Variants in PTH1R observed in about 807,000 individuals in gnomAD.
PTH1R encodes the protein parathyroid hormone/parathyroid hormone-related peptide receptor.
Under a neutral mutation model 70.7 loss-of-function variants are expected in PTH1R, and 32 were observed. The observed-to-expected ratio is 0.45, with a 90% CI of 0.34 to 0.61. The LOEUF is 0.61. Ranked by LOEUF, PTH1R falls within the 20% of genes least tolerant of loss-of-function variation. PTH1R has a pLI of 0.01. For synonymous variants in PTH1R, 329 were observed against 324.8 expected (o/e 1.01, Z -0.14); for missense variants, 626 against 792.5 (o/e 0.79, Z 2.52).
At chr3:46,897,746 A>T (rs1486385833) in intron 5 of PTH1R, 109 bp from the exon 6 acceptor site, 2 of 1,087,646 alleles carry the variant, frequency 1.8e-6, no homozygotes, top group Non-Finnish European at 2.7e-6. Context: ...AAACAAAACA[A>T]AACAAAAACA....
rs368431544 is a variant in PTH1R, at chr3:46,901,911, C to A, written c.1211+51C>A. On this transcript the variant is annotated intron_variant, in intron 13 of 15. Transcript: ENST00000449590. The surrounding 1 kb of genome is among the most constrained non-coding windows in gnomAD (Gnocchi z 7.3). ...CTGGCTCCTCAGGGGTCCCTGAGTC[C>A]TGGTACCATGTACCCCAGGAAAGAC... The A allele has an allele frequency of 2.5e-5, 37 of 1,503,044 alleles. No individual in the cohort carries two copies. Among genetic ancestry groups the A allele is most frequent in the Middle Eastern group, 3.4e-4 (2 of 5,874 alleles). The allele number at this position is 1,503,044 out of a possible 1,614,324, so 93.1% of individuals were successfully genotyped here.
Position 46,902,461 on chromosome 3 carries a change from G to T in PTH1R, c.1212-65G>T. 1 of 1,591,034 alleles carries T rather than the reference G, an allele frequency of 6.3e-7. No homozygotes were observed. Among genetic ancestry groups the T allele is most frequent in the Non-Finnish European group, 8.6e-7 (1 of 1,169,506 alleles). Reference sequence around the variant, plus strand: ...CGGAGCCTGGGGCTCGCAGGGTGGGGGGTGGCACAATGCTTGTTGAAGGGG... The same window carrying T: ...CGGAGCCTGGGGCTCGCAGGGTGGGTGGTGGCACAATGCTTGTTGAAGGGG... On this transcript the variant is annotated intron_variant, in intron 13 of 15. Coordinates refer to ENST00000449590, the MANE Select transcript of PTH1R (RefSeq NM_000316.3). The surrounding 1 kb of genome is among the most constrained non-coding windows in gnomAD (Gnocchi z 5.4).
rs926867270 is a variant in PTH1R at position 46,879,346 on chromosome 3, A to T, written c.-106+1503A>T. On this transcript the variant is annotated intron_variant, in intron 1 of 15. Coordinates refer to ENST00000449590, the MANE Select transcript of PTH1R (RefSeq NM_000316.3). The surrounding 1 kb of genome is among the most constrained non-coding windows in gnomAD (Gnocchi z 4.7). Reference sequence around the variant, plus strand: ...CCCTCAGCCTCTAGTTTTATCTCTCAGTCCTTCCAATCCCTCCATTAATGT... The same window carrying T: ...CCCTCAGCCTCTAGTTTTATCTCTCTGTCCTTCCAATCCCTCCATTAATGT... Among the ~76,000 whole-genome samples, 2 of 152,228 alleles carry T rather than the reference A, an allele frequency of 1.3e-5. No homozygotes were observed. Among genetic ancestry groups the T allele is most frequent in the Admixed American group, 6.5e-5 (1 of 15,288 alleles).
Position 46,901,285 on chromosome 3 carries a change from T to G in PTH1R, c.1050-129T>G. The G allele has an allele frequency of 7.5e-7, 1 of 1,330,136 alleles. No homozygotes were observed. Among genetic ancestry groups the G allele is most frequent in the Non-Finnish European group, 1.1e-6 (1 of 951,336 alleles). 82.4% of individuals were successfully genotyped at this position (1,330,136 alleles called of 1,614,324 possible). A position where few individuals can be genotyped will look rare whatever the true frequency, so the allele number is the denominator to read the frequency against. On this transcript the variant is annotated intron_variant, in intron 11 of 15. Coordinates refer to ENST00000449590, the MANE Select transcript of PTH1R (RefSeq NM_000316.3). The surrounding 1 kb of genome is among the most constrained non-coding windows in gnomAD (Gnocchi z 7.3). ...AGGCCTGTGAGGGAGGCCTCAGGCC[T>G]GGCCACACCCAGCACCCCTGCCCTG...
rs1415321347 is a variant in PTH1R, at chr3:46,899,477, G to A, written c.988+21G>A. The A allele has an allele frequency of 3.1e-6, 5 of 1,605,322 alleles. No individual in the cohort carries two copies. In the South Asian group the frequency reaches 3.3e-5, roughly 11 times the overall value. On this transcript the variant is annotated intron_variant, in intron 10 of 15. Transcript: ENST00000449590. ...CTGGGGTACGCGGGCACAGCGGGTAGCGAGGTGCCGGCAGGGGTGGGACCG... is the reference window on the plus strand; with the variant it reads ...CTGGGGTACGCGGGCACAGCGGGTAACGAGGTGCCGGCAGGGGTGGGACCG...
Position 46,901,782 on chromosome 3 carries a change from T to C in PTH1R, c.1133T>C (p.Phe378Ser). ...CTCCCACAGCTCAACTTCATCCTCT[T>C]CATCAATATCGTCCGGGTGCTCGCC... Reference protein sequence around the residue: ...LASIVLNFILFINIVRVLATK... With the variant: ...LASIVLNFILSINIVRVLATK... The change falls in exon 13 of 16, where the codon TTC becomes TCC. Residue 378 changes from phenylalanine (F) to serine (S), a missense_variant. Transcript: ENST00000449590. This position sits in a 1 kb window ranked among gnomAD's most constrained non-coding sequence, Gnocchi z 7.3. 6.2e-7 allele frequency: 1 copy of C among 1,613,976 alleles called. No homozygotes were observed. The highest frequency in any genetic ancestry group is 8.5e-7 in the Non-Finnish European group (1 of 1,179,916).
intron 1 of PTH1R, among the ~76,000 whole-genome samples, chr3:46,878,739 C>CA (rs1192654953): frequency 6.6e-6 from 1 of 152,126 alleles, no homozygotes; most frequent in East Asian, 1.9e-4. Flanking sequence ...GAGCCCTACT[C>CA]ACGGTGGGAT....
intron 10 of PTH1R, among the ~76,000 whole-genome samples, chr3:46,900,594 G>A (rs767826110): frequency 6.6e-6 from 1 of 151,998 alleles, no homozygotes; most frequent in East Asian, 1.9e-4. Flanking sequence ...TCTCATCCAC[G>A]AGGGCTAGGA....
At chr3:46,897,155 AC>A (rs376047703) in intron 5 of PTH1R, among the ~76,000 whole-genome samples, 17 of 152,276 alleles carry the variant, frequency 1.1e-4, no homozygotes, top group African/African-American at 3.9e-4. Flanking sequence ...CTTCAGAGAC[AC>A]CTGGAAGGTG....
Position 46,898,645 on chromosome 3 carries a change from T to C in PTH1R, c.639-17T>C. The C allele has an allele frequency of 6.2e-7, 1 of 1,611,058 alleles. No individual in the cohort carries two copies. Among genetic ancestry groups the C allele is most frequent in the Non-Finnish European group, 8.5e-7 (1 of 1,179,620 alleles). On this transcript the variant is annotated splice_polypyrimidine_tract_variant and intron_variant, in intron 8 of 15. Transcript: ENST00000449590. Reference sequence around the variant, plus strand: ...GTCCCCGTGCCCCCACCCACGGTCATGTCGCGCGCCCCGCAGGCGGCTGCA... The same window carrying C: ...GTCCCCGTGCCCCCACCCACGGTCACGTCGCGCGCCCCGCAGGCGGCTGCA...
At position 46,893,777 on chromosome 3, in the gene PTH1R, G is replaced by A; in HGVS notation, c.76-130G>A. 1 of 838,832 alleles carries A rather than the reference G, an allele frequency of 1.2e-6. No homozygotes were observed. The highest frequency in any genetic ancestry group is 2.0e-6 in the Non-Finnish European group (1 of 502,990). 52.0% of individuals were successfully genotyped at this position (838,832 alleles called of 1,614,324 possible). The stretch of plus-strand genomic sequence containing the variant: ...ATAGAGCAGATTCCCCACATGCAGG[G>A]GAAATCCCACCTTCCCTCTAGAGTC... On this transcript the variant is annotated intron_variant, in intron 3 of 15. Coordinates refer to ENST00000449590, the MANE Select transcript of PTH1R (RefSeq NM_000316.3). This position sits in a 1 kb window ranked among gnomAD's most constrained non-coding sequence, Gnocchi z 5.2.
At position 46,898,411 on chromosome 3, in the gene PTH1R, G is replaced by A. The variant is rs199755836; in HGVS notation, c.577G>A (p.Val193Met). The A allele has an allele frequency of 5.0e-6, 8 of 1,613,750 alleles. No individual in the cohort carries two copies. Among genetic ancestry groups the A allele is most frequent in the South Asian group, 1.1e-5 (1 of 91,066 alleles). ...VFDRLGMIYT[V>M]GYSVSLASLT... ...TGACCGCCTGGGCATGATTTACACC[G>A]TGGGCTACTCCGTGTCCCTGGCGTC... Residue 193 changes from valine to methionine, a missense_variant, in exon 8 of 16, where the codon GTG becomes ATG. By Grantham distance (21) the Val-to-Met change is conservative. Transcript: ENST00000449590.
chr3:46,883,567 C>T lies in PTH1R; in HGVS notation c.8C>T (p.Thr3Ile). ...CGGCCCTAGGCGGTGGCGATGGGGA[C>T]CGCCCGGATCGCACCCGGCCTGGCG... MG[T>I]ARIAPGLALL... Residue 3 changes from threonine (T) to isoleucine (I), a missense_variant, in exon 3 of 16, where the codon ACC becomes ATC. Transcript: ENST00000449590. The surrounding 1 kb of genome is among the most constrained non-coding windows in gnomAD (Gnocchi z 6.4). The T allele has an allele frequency of 6.5e-7, 1 of 1,537,132 alleles. No individual in the cohort carries two copies. The highest frequency in any genetic ancestry group is 8.7e-7 in the Non-Finnish European group (1 of 1,145,894).
At position 46,883,587 on chromosome 3, in the gene PTH1R, C is replaced by T. The variant is rs1457911130; in HGVS notation, c.28C>T (p.Leu10=). ...GGGGACCGCCCGGATCGCACCCGGCCTGGCGCTCCTGCTCTGCTGCCCCGT... is the reference window on the plus strand; with the variant it reads ...GGGGACCGCCCGGATCGCACCCGGCTTGGCGCTCCTGCTCTGCTGCCCCGT... MGTARIAPG[L]ALLLCCPVLS... is the part of the protein sequence containing the mutation. Residue 10 remains leucine, a synonymous_variant, in exon 3 of 16, where the codon CTG becomes TTG. Transcript: ENST00000449590. The surrounding 1 kb of genome is among the most constrained non-coding windows in gnomAD (Gnocchi z 6.4). 2 of 1,540,968 alleles carry T rather than the reference C, an allele frequency of 1.3e-6. No homozygotes were observed. The highest frequency in any genetic ancestry group is 1.4e-5 in the African/African-American group (1 of 73,020).
chr3:46,900,684 G>A (rs2032064607), intron 10 of PTH1R, among the ~76,000 whole-genome samples: 1 of 152,132 alleles, frequency 6.6e-6, no homozygotes, highest in Admixed American at 6.5e-5. Context: ...CATGGGAGCT[G>A]CAAGTCCAAA....
chr3:46,901,130 G>T lies in PTH1R; in HGVS notation c.1049+45G>T. On this transcript the variant is annotated intron_variant, in intron 11 of 15. Transcript: ENST00000449590. The surrounding 1 kb of genome is among the most constrained non-coding windows in gnomAD (Gnocchi z 7.3). ...GGGCCCAGGCAAGAAGCACCCCTGG[G>T]TCCCTTTTCTTCCAGGAAGCATGTG... The T allele has an allele frequency of 6.4e-7, 1 of 1,551,092 alleles. No homozygotes were observed. The highest frequency in any genetic ancestry group is 1.2e-5 in the South Asian group (1 of 84,314).
chr3:46,898,967 C>T, intron 9 of PTH1R, 110 bp downstream of exon 9: 1 of 827,216 alleles, frequency 1.2e-6, no homozygotes, highest in Non-Finnish European at 1.8e-6. Context: ...GCCAGCGCCA[C>T]TGGCTTCAGC....
At position 46,901,551 on chromosome 3, in the gene PTH1R, TGACAGGGA is replaced by T; in HGVS notation, c.1116+72_1116+79del. The stretch of plus-strand genomic sequence containing the variant: ...GCCTGCGTCCCCTGGAACCAGCCCC[TGACAGGGA>T]CCTAGGAGGCTTCCCTGGACCCCAG... On this transcript the variant is annotated intron_variant, in intron 12 of 15. Coordinates refer to ENST00000449590, the MANE Select transcript of PTH1R (RefSeq NM_000316.3). This position sits in a 1 kb window ranked among gnomAD's most constrained non-coding sequence, Gnocchi z 7.3. 2 of 1,527,604 alleles carry T rather than the reference TGACAGGGA, an allele frequency of 1.3e-6. No individual in the cohort carries two copies. The highest frequency in any genetic ancestry group is 3.9e-5 in the Admixed American group (2 of 50,920). The allele number at this position is 1,527,604 out of a possible 1,614,324, so 94.6% of individuals were successfully genotyped here.
In PTH1R at chr3:46,897,754, AC is replaced by A. The variant is rs373436214; in HGVS notation, c.314-100del. On this transcript the variant is annotated intron_variant, in intron 5 of 15. Coordinates refer to ENST00000449590, the MANE Select transcript of PTH1R (RefSeq NM_000316.3). ...CTCAAAAAAACAAAACAAAACAAAA[AC>A]AAAAACAAACAAACCACAGATGTAT... The A allele has an allele frequency of 1.6e-4, 186 of 1,139,130 alleles. No homozygotes were observed. In the African/African-American group the frequency reaches 2.5e-3, roughly 15 times the overall value. 70.6% of individuals were successfully genotyped at this position (1,139,130 alleles called of 1,614,324 possible). A position where few individuals can be genotyped will look rare whatever the true frequency, so the allele number is the denominator to read the frequency against.
Sources: allele counts gnomAD v4.1 joint callset (sites outside exome capture counted in the v4.1 genomes callset), GRCh38; gene constraint gnomAD v4.1.1; non-coding constraint Gnocchi (gnomAD v3.1); transcripts MANE v1.5; gene names NCBI Gene and HGNC (gene_info 2026-07-23, HGNC 2026-07-21).